Variants in D2HGDH observed in about 807,000 individuals in gnomAD.
D2HGDH encodes the protein D-2-hydroxyglutarate dehydrogenase, also known as D-2-hydroxyglutarate dehydrogenase, mitochondrial.
In D2HGDH, 31 loss-of-function variants were observed where a neutral mutation model predicts 46.9. The observed-to-expected ratio is 0.66, with a 90% CI of 0.50 to 0.89. The LOEUF (loss-of-function observed/expected upper bound fraction) is 0.89. Ranked by LOEUF, D2HGDH falls within the 40% of genes least tolerant of loss-of-function variation. The pLI, the probability that D2HGDH is intolerant of heterozygous loss-of-function variation, is 0.00. For synonymous variants in D2HGDH, 364 were observed against 332.6 expected (o/e 1.09, Z -1.03); for missense variants, 698 against 720.8 (o/e 0.97, Z 0.36).
chr2:241,747,341 A>T (rs923429911), intron 6 of D2HGDH, among the ~76,000 whole-genome samples: 2 of 151,954 alleles, frequency 1.3e-5, no homozygotes, highest in Non-Finnish European at 1.5e-5. Context: ...TTGAAGAATT[A>T]TTTGTAGGGG....
At chr2:241,758,799 G>GTA (rs1698452003) in intron 9 of D2HGDH, among the ~76,000 whole-genome samples, 1 of 151,334 alleles carries the variant, frequency 6.6e-6, no homozygotes, top group South Asian at 2.1e-4. Flanking sequence ...GTGTGTGTGT[G>GTA]TGTGTGTGTG....
At chr2:241,755,045 A>G (rs1697938974) in intron 8 of D2HGDH, 5 of 1,300,350 alleles carry the variant, frequency 3.8e-6, no homozygotes, top group Non-Finnish European at 5.1e-6. Flanking sequence ...CATGGTGCAG[A>G]TCTCCACAAT....
At chr2:241,736,246 T>C (rs1692783929) in intron 2 of D2HGDH, 1 of 152,188 alleles carries the variant, frequency 6.6e-6, no homozygotes, top group Non-Finnish European at 1.5e-5. Flanking sequence ...AGTAAAAAAG[T>C]TACTCCAGCC....
At chr2:241,755,288 T>C in intron 8 of D2HGDH, 1 of 1,298,528 alleles carries the variant, frequency 7.7e-7, no homozygotes, top group Non-Finnish European at 1.0e-6. Context: ...ACCCGCCATG[T>C]CCCTGCCTCC....
chr2:241,759,962 A>G (rs1288318282), intron 9 of D2HGDH, among the ~76,000 whole-genome samples: 4 of 152,280 alleles, frequency 2.6e-5, no homozygotes, highest in African/African-American at 4.8e-5. Context: ...TGTGATTAAC[A>G]TTTAAATCAG....
rs144020262 is a variant in D2HGDH at position 241,736,003 on chromosome 2, C to G, written c.292+487C>G. 425 of 171,280 alleles carry G rather than the reference C, an allele frequency of 2.5e-3. 1 individual carries two copies. The highest frequency in any genetic ancestry group is 4.1e-3 in the Non-Finnish European group (324 of 79,240). 10.6% of individuals were successfully genotyped at this position (171,280 alleles called of 1,614,324 possible). A position where few individuals can be genotyped will look rare whatever the true frequency, so the allele number is the denominator to read the frequency against. On this transcript the variant is annotated intron_variant, in intron 2 of 9. Transcript: ENST00000321264. ...GTCTCGATCTCTTGACCTCGTGATC[C>G]GTCCGCCTCGGCTTCCCAAATTGCT...
intron 1 of D2HGDH, 55 bp downstream of exon 1, chr2:241,734,750 A>G (rs1692235445): frequency 6.5e-6 from 1 of 153,024 alleles, no homozygotes; most frequent in Non-Finnish European, 1.4e-5. Context: ...TCTGCGGTTC[A>G]GCCGCGGGTC....
intron 8 of D2HGDH, chr2:241,755,141 C>T (rs1200875847): frequency 1.5e-5 from 19 of 1,303,982 alleles, no homozygotes; most frequent in Non-Finnish European, 1.6e-5. Context: ...CTTCAGCCAC[C>T]AGCACCGTCT....
At chr2:241,757,364 G>C (rs1451217210) in intron 9 of D2HGDH, among the ~76,000 whole-genome samples, 2 of 151,740 alleles carry the variant, frequency 1.3e-5, no homozygotes, top group African/African-American at 4.8e-5. Context: ...ATCCAGAGAA[G>C]AGGGGTACGG....
At chr2:241,736,393 G>A (rs1310442003) in intron 2 of D2HGDH, 1 of 151,864 alleles carries the variant, frequency 6.6e-6, no homozygotes, top group South Asian at 2.1e-4. Flanking sequence ...AAGCTCTGGA[G>A]GCCAAAAGTG....
chr2:241,752,971 C>T (rs952589205), intron 8 of D2HGDH, among the ~76,000 whole-genome samples: 1 of 151,868 alleles, frequency 6.6e-6, no homozygotes, highest in Non-Finnish European at 1.5e-5. Flanking sequence ...CGCCCCCAGC[C>T]TCTGCACATC....
In D2HGDH at chr2:241,743,571, C is replaced by A; in HGVS notation, c.491-51C>A. 6.3e-7 allele frequency: 1 copy of A among 1,585,526 alleles called. No individual in the cohort carries two copies. On this transcript the variant is annotated intron_variant, in intron 4 of 9. Transcript: ENST00000321264. The surrounding 1 kb of genome is among the most constrained non-coding windows in gnomAD (Gnocchi z 4.8). The stretch of plus-strand genomic sequence containing the variant: ...AGATGGGGGTTGGGACTCACCAGCC[C>A]GGGGGCCCACTGGAAGCCAAGTGCT...
chr2:241,743,648 G>A lies in D2HGDH; in HGVS notation c.517G>A (p.Val173Ile), dbSNP rs146408017. Reference protein sequence around the residue: ...SGILVCQAGCVLEELSRYVEE... With the variant: ...SGILVCQAGCILEELSRYVEE... Reference sequence around the variant, plus strand: ...AATTCTGGTTTGCCAGGCGGGCTGCGTCCTGGAGGAGCTGAGCCGGTATGT... The same window carrying A: ...AATTCTGGTTTGCCAGGCGGGCTGCATCCTGGAGGAGCTGAGCCGGTATGT... Residue 173 changes from valine to isoleucine, a missense_variant, in exon 5 of 10, where the codon GTC (valine) becomes ATC (isoleucine). Transcript: ENST00000321264. The surrounding 1 kb of genome is among the most constrained non-coding windows in gnomAD (Gnocchi z 4.8). 309 of 1,613,866 alleles carry A rather than the reference G, an allele frequency of 1.9e-4. 1 individual carries two copies. In the East Asian group the frequency reaches 4.8e-3, roughly 25 times the overall value.
At chr2:241,741,221 G>A in intron 3 of D2HGDH, 131 bp downstream of exon 3, 1 of 842,024 alleles carries the variant, frequency 1.2e-6, no homozygotes, top group South Asian at 1.4e-5. Context: ...GTGTCTCAGT[G>A]TTTGTTCTGT....
Position 241,742,496 on chromosome 2 carries a change from G to T in D2HGDH, c.412G>T (p.Gly138Cys). ...PQGGNTGMVG[G>C]SVPVFDEIIL... is the part of the protein sequence containing the mutation. ...GGGGGGCAACACAGGCATGGTGGGT[G>T]GCAGCGTCCCCGTCTTTGACGAGAT... The change falls in exon 4 of 10, where the codon GGC (glycine) becomes TGC (cysteine). Residue 138 changes from glycine to cysteine, a missense_variant. Physicochemically the swap from Gly to Cys is radical, Grantham distance 159 (BLOSUM62 -3). Coordinates refer to ENST00000321264, the MANE Select transcript of D2HGDH (RefSeq NM_152783.5). The surrounding 1 kb of genome is among the most constrained non-coding windows in gnomAD (Gnocchi z 4.8). 6.2e-7 allele frequency: 1 copy of T among 1,614,074 alleles called. No individual in the cohort carries two copies. Among genetic ancestry groups the T allele is most frequent in the Non-Finnish European group, 8.5e-7 (1 of 1,180,006 alleles).
chr2:241,740,690 T>C (rs1453775321), intron 2 of D2HGDH, among the ~76,000 whole-genome samples: 2 of 152,198 alleles, frequency 1.3e-5, no homozygotes, highest in African/African-American at 4.8e-5. Context: ...CTCATGCCTG[T>C]AATCCCAGCA....
chr2:241,757,077 C>T (rs1422460128), intron 9 of D2HGDH, among the ~76,000 whole-genome samples: 1 of 152,186 alleles, frequency 6.6e-6, no homozygotes, highest in African/African-American at 2.4e-5. Context: ...GACAATAACA[C>T]GTATTACTTA....
intron 9 of D2HGDH, among the ~76,000 whole-genome samples, chr2:241,760,686 A>C (rs2125168441): frequency 6.6e-6 from 1 of 152,314 alleles, no homozygotes; most frequent in East Asian, 1.9e-4. Flanking sequence ...ACTTCGACAC[A>C]GCGTGGGTGG....
intron 2 of D2HGDH, among the ~76,000 whole-genome samples, chr2:241,736,670 C>CTTTTTTTTTTTTT (rs768906916): frequency 6.8e-6 from 1 of 147,400 alleles, no homozygotes; most frequent in African/African-American, 2.5e-5. Context: ...ACCGTTTATC[C>CTTTTTTTTTTTTT]GTTTTTTTTT....
Sources: gnomAD v4.1 joint callset for allele counts (sites outside exome capture counted in the v4.1 genomes callset) on GRCh38, gnomAD v4.1.1 for gene constraint, Gnocchi (gnomAD v3.1) non-coding constraint, MANE v1.5 for transcripts, NCBI Gene and HGNC (gene_info 2026-07-23, HGNC 2026-07-21) for gene names.